Variants in PCSK5 observed in about 807,000 individuals in gnomAD.
The protein encoded by PCSK5 is proprotein convertase subtilisin/kexin type 5.
PCSK5 carries 129 observed loss-of-function variants against 233.2 expected under a neutral mutation model. That is an observed-to-expected ratio of 0.55 (90% CI 0.48 to 0.64). The LOEUF (loss-of-function observed/expected upper bound fraction) is 0.64. Among genes scored for constraint, PCSK5 ranks in the 30% least tolerant of loss-of-function variants. The probability of loss-of-function intolerance (pLI) is 0.00; values close to 1 mark genes in which losing one functional copy is unlikely to be tolerated. For missense variants in PCSK5, 2,076 were observed against 2,430.1 expected (o/e 0.85, Z 3.06); for synonymous variants, 825 against 879.2 (o/e 0.94, Z 1.09).
chr9:76,359,008 C>G lies in PCSK5; in HGVS notation c.*86C>G, dbSNP rs1470807157. On this transcript the variant is annotated 3_prime_UTR_variant, in exon 38 of 38. Transcript: ENST00000674117. ...TTTTTGGTTTTATCCCCACACCAGG[C>G]TGATGTGTGAGTTTTTCTATTTGTC... The G allele has an allele frequency of 2.0e-5, 21 of 1,068,686 alleles. No individual in the cohort carries two copies. In the Admixed American group the frequency reaches 4.6e-4, roughly 23 times the overall value. 66.2% of individuals were successfully genotyped at this position (1,068,686 alleles called of 1,614,324 possible). A position where few individuals can be genotyped will look rare whatever the true frequency, so the allele number is the denominator to read the frequency against.
At position 76,332,550 on chromosome 9, in the gene PCSK5, A is replaced by G; in HGVS notation, c.4688A>G (p.His1563Arg). The change falls in exon 34 of 38, where the codon CAC becomes CGC. Residue 1563 changes from histidine (H) to arginine (R), a missense_variant. Coordinates refer to ENST00000674117, the MANE Select transcript of PCSK5 (RefSeq NM_001372043.1). ...TCEGRHSRQCHSCRPGWFQLG... is the reference protein window; with the variant it reads ...TCEGRHSRQCRSCRPGWFQLG... ...GAAGGGAGACACAGCAGGCAGTGCC[A>G]CTCCTGCCGACCGGGCTGGTTCCAG... 2 of 1,611,646 alleles carry G rather than the reference A, an allele frequency of 1.2e-6. No homozygotes were observed. Among genetic ancestry groups the G allele is most frequent in the Non-Finnish European group, 1.7e-6 (2 of 1,179,356 alleles).
intron 5 of PCSK5, among the ~76,000 whole-genome samples, chr9:76,054,757 A>G (rs1829760380): frequency 6.6e-6 from 1 of 152,214 alleles, no homozygotes; most frequent in Non-Finnish European, 1.5e-5. Flanking sequence ...AGTTTATGTA[A>G]TTCTAGTATA....
intron 3 of PCSK5, among the ~76,000 whole-genome samples, chr9:76,008,823 G>A (rs558156593): frequency 1.1e-4 from 17 of 152,272 alleles, no homozygotes; most frequent in African/African-American, 3.9e-4. Flanking sequence ...AGATGTCATA[G>A]GACAAATTAG....
chr9:76,071,098 T>C (rs992172110), intron 6 of PCSK5, among the ~76,000 whole-genome samples: 1 of 152,190 alleles, frequency 6.6e-6, no homozygotes, highest in African/African-American at 2.4e-5. Flanking sequence ...CCTATCTGTT[T>C]GATAGAAATA....
chr9:76,094,847 T>A (rs1051647549), intron 7 of PCSK5, among the ~76,000 whole-genome samples: 1 of 152,140 alleles, frequency 6.6e-6, no homozygotes, highest in African/African-American at 2.4e-5. Flanking sequence ...TGACCTCAGG[T>A]GATCTGCTCA....
In PCSK5 at chr9:76,042,553, G is replaced by C. The variant is rs116712167; in HGVS notation, c.632+15516G>C. ...GCCTGTAATCCCAGCTACTAGGGGG[G>C]GCTGAGGTGGGAGAATAGCTTGAAC... On this transcript the variant is annotated intron_variant, in intron 5 of 37. Coordinates refer to ENST00000674117, the MANE Select transcript of PCSK5 (RefSeq NM_001372043.1). Among the ~76,000 whole-genome samples, 21 of 152,300 alleles carry C rather than the reference G, an allele frequency of 1.4e-4. No individual in the cohort carries two copies. In the South Asian group the frequency reaches 2.5e-3, roughly 18 times the overall value.
chr9:76,101,173 G>A (rs1375794906), intron 8 of PCSK5, among the ~76,000 whole-genome samples: 7 of 152,118 alleles, frequency 4.6e-5, no homozygotes, highest in East Asian at 1.9e-4. Flanking sequence ...GATGAAGACC[G>A]TGTTTTGTTC....
intron 24 of PCSK5, among the ~76,000 whole-genome samples, chr9:76,284,959 A>AT (rs2085169897): frequency 6.6e-6 from 1 of 152,228 alleles, no homozygotes; most frequent in Non-Finnish European, 1.5e-5. Context: ...ACACACATAT[A>AT]TTAGCATGCA....
chr9:76,020,947 C>T lies in PCSK5; in HGVS notation c.412-2791C>T, dbSNP rs533825744. Among the ~76,000 whole-genome samples, 42 of 152,236 alleles carry T rather than the reference C, an allele frequency of 2.8e-4. 1 individual carries two copies. The highest frequency in any genetic ancestry group is 1.7e-3 in the Admixed American group (26 of 15,304). ...ATGGAATAAAAACCTGTCAAGGTTGCTTTGTGTTAAATTAAAATATGTGGT... is the reference window on the plus strand; with the variant it reads ...ATGGAATAAAAACCTGTCAAGGTTGTTTTGTGTTAAATTAAAATATGTGGT... On this transcript the variant is annotated intron_variant, in intron 3 of 37. Coordinates refer to ENST00000674117, the MANE Select transcript of PCSK5 (RefSeq NM_001372043.1).
chr9:76,254,746 C>T (rs1826924270), intron 24 of PCSK5, among the ~76,000 whole-genome samples: 1 of 152,214 alleles, frequency 6.6e-6, no homozygotes, highest in South Asian at 2.1e-4. Flanking sequence ...CAGCATCTCT[C>T]AGTTTTTGAG....
chr9:76,060,528 A>G (rs1587567961), intron 5 of PCSK5, among the ~76,000 whole-genome samples: 1 of 152,302 alleles, frequency 6.6e-6, no homozygotes, highest in South Asian at 2.1e-4. Context: ...AAATCCATAT[A>G]TAAGTGGACC....
At chr9:76,018,277 A>C (rs1828035938) in intron 3 of PCSK5, among the ~76,000 whole-genome samples, 1 of 152,200 alleles carries the variant, frequency 6.6e-6, no homozygotes, top group African/African-American at 2.4e-5. Flanking sequence ...GAGTATTTAC[A>C]CTGTGGAAAT....
chr9:75,975,403 C>A (rs1466673580), intron 2 of PCSK5, among the ~76,000 whole-genome samples: 1 of 152,158 alleles, frequency 6.6e-6, no homozygotes, highest in Non-Finnish European at 1.5e-5. Flanking sequence ...TATTGAGAAG[C>A]AAGATGCTGA....
intron 12 of PCSK5, among the ~76,000 whole-genome samples, chr9:76,166,060 G>A (rs1259324071): frequency 1.3e-5 from 2 of 152,208 alleles, no homozygotes; most frequent in Non-Finnish European, 2.9e-5. Flanking sequence ...TTGAATCCAA[G>A]TTAAAACACA....
In PCSK5 at chr9:75,920,403, C is replaced by T. The variant is rs112146059; in HGVS notation, c.193-11976C>T. On this transcript the variant is annotated intron_variant, in intron 1 of 37. Coordinates refer to ENST00000674117, the MANE Select transcript of PCSK5 (RefSeq NM_001372043.1). ...TCCTGGGCTCAAGCGATCCTCCTGC[C>T]TCGGCCTCCCAAAGTGCTAGAATCT... Among the ~76,000 whole-genome samples, 838 of 152,262 alleles carry T rather than the reference C, an allele frequency of 5.5e-3. 6 individuals carry two copies. The highest frequency in any genetic ancestry group is 0.018 in the African/African-American group (748 of 41,546).
intron 1 of PCSK5, among the ~76,000 whole-genome samples, chr9:75,924,443 C>A (rs1301282967): frequency 6.6e-6 from 1 of 152,090 alleles, no homozygotes; most frequent in Admixed American, 6.5e-5. Context: ...GGATGTTGTG[C>A]TTGTTTTGGA....
intron 1 of PCSK5, among the ~76,000 whole-genome samples, chr9:75,931,331 T>C (rs1377744490): frequency 6.6e-6 from 1 of 151,980 alleles, no homozygotes; most frequent in Non-Finnish European, 1.5e-5. Context: ...ATAGTTATTA[T>C]TTTAGGGCAG....
At chr9:75,940,952 T>C (rs1472819641) in intron 2 of PCSK5, among the ~76,000 whole-genome samples, 1 of 152,224 alleles carries the variant, frequency 6.6e-6, no homozygotes, top group Non-Finnish European at 1.5e-5. Flanking sequence ...CAGAAGTGTC[T>C]GAGGTCAGTC....
At chr9:76,209,874 T>C (rs1251360320) in intron 20 of PCSK5, among the ~76,000 whole-genome samples, 1 of 152,130 alleles carries the variant, frequency 6.6e-6, no homozygotes. Context: ...TTAATTCAGC[T>C]GCATAATGAT....
Sources: allele counts gnomAD v4.1 joint callset (sites outside exome capture counted in the v4.1 genomes callset), GRCh38; gene constraint gnomAD v4.1.1; transcripts MANE v1.5; gene names NCBI Gene and HGNC (gene_info 2026-07-23, HGNC 2026-07-21).